Variants in FGFR2 observed in about 807,000 individuals in gnomAD.
The protein encoded by FGFR2 is fibroblast growth factor receptor 2.
In FGFR2, 19 loss-of-function variants were observed where a neutral mutation model predicts 95.9. The observed-to-expected ratio is 0.20, with a 90% CI of 0.14 to 0.29. The LOEUF (loss-of-function observed/expected upper bound fraction) is 0.29. Ranked by LOEUF, FGFR2 falls within the 10% of genes least tolerant of loss-of-function variation. The pLI, the probability that FGFR2 is intolerant of heterozygous loss-of-function variation, is 1.00. For missense variants in FGFR2, 707 were observed against 1,056.9 expected, an observed-to-expected ratio of 0.67 and a Z score of 4.59; for synonymous variants, 392 against 393.3, an observed-to-expected ratio of 1.00 and a Z score of 0.04.
chr10:121,591,519 A>G (rs1311715214), intron 2 of FGFR2, among the ~76,000 whole-genome samples: 5 of 152,224 alleles, frequency 3.3e-5, no homozygotes, highest in African/African-American at 1.2e-4. Context: ...TTCTGAGGAC[A>G]TTAATATTCA....
Position 121,565,033 on chromosome 10 carries a change from C to T in FGFR2, c.376+405G>A, listed in dbSNP as rs41302301. Among the ~76,000 whole-genome samples the T allele has an allele frequency of 1.7e-3, 262 of 152,164 alleles. 2 individuals carry two copies. The highest frequency in any genetic ancestry group is 5.7e-3 in the African/African-American group (236 of 41,506). On this transcript the variant is annotated intron_variant, in intron 3 of 17. Coordinates refer to ENST00000358487, the MANE Select transcript of FGFR2 (RefSeq NM_000141.5). ...CATTCTGAAAGCAGAACTTTAAACT[C>T]GGCCACAAAGGGGGCCTGTTCTGTC...
At chr10:121,495,489 C>T (rs933109484) in intron 13 of FGFR2, among the ~76,000 whole-genome samples, 4 of 152,066 alleles carry the variant, frequency 2.6e-5, no homozygotes, top group East Asian at 1.9e-4. Context: ...GATTATGCCA[C>T]GGCACTCCAG....
chr10:121,581,853 G>A (rs368969948), intron 2 of FGFR2, among the ~76,000 whole-genome samples: 3 of 150,600 alleles, frequency 2.0e-5, no homozygotes, highest in African/African-American at 7.3e-5. Context: ...ACATGCCTCC[G>A]GCCCATGCTT....
Position 121,528,482 on chromosome 10 carries a change from A to G in FGFR2, c.749-8313T>C, listed in dbSNP as rs547538951. On this transcript the variant is annotated intron_variant, in intron 6 of 17. Coordinates refer to ENST00000358487, the MANE Select transcript of FGFR2 (RefSeq NM_000141.5). ...GTAAAAATGCTGGCAGGTTTCATCA[A>G]CCTTCACCATCTAAAAAGCCTTTCT... Among the ~76,000 whole-genome samples the G allele has an allele frequency of 3.3e-5, 5 of 152,298 alleles. No individual in the cohort carries two copies. The South Asian group carries it at 1.0e-3, about 32-fold the overall frequency.
chr10:121,515,002 T>A, intron 9 of FGFR2, 115 bp downstream of exon 9: 2 of 978,036 alleles, frequency 2.0e-6, no homozygotes, highest in Admixed American at 1.9e-5. Flanking sequence ...CACACCAGAA[T>A]CACTCGCACA....
At chr10:121,580,237 G>T (rs1002345403) in intron 2 of FGFR2, among the ~76,000 whole-genome samples, 10 of 152,292 alleles carry the variant, frequency 6.6e-5, no homozygotes, top group African/African-American at 2.4e-4. Flanking sequence ...GACCTTCTGG[G>T]GGTACTGTTT....
Position 121,517,460 on chromosome 10 carries a change from C to T in FGFR2, c.943G>A (p.Ala315Thr), listed in dbSNP as rs121918504. 17 of 1,613,972 alleles carry T rather than the reference C, an allele frequency of 1.1e-5. No individual in the cohort carries two copies. The highest frequency in any genetic ancestry group is 1.6e-4 in the Middle Eastern group (1 of 6,084). ...TCTTTGTCCGTGGTGTTAACACCGGCGGCCTAGAAAACAAGGGAAGCAAAA... is the reference window on the plus strand; with the variant it reads ...TCTTTGTCCGTGGTGTTAACACCGGTGGCCTAGAAAACAAGGGAAGCAAAA... Reference protein sequence around the residue: ...GLPYLKVLKAAGVNTTDKEIE... With the variant: ...GLPYLKVLKATGVNTTDKEIE... Residue 315 changes from alanine to threonine, a missense_variant, in exon 8 of 18, where the codon GCC becomes ACC. By Grantham distance (58) the Ala-to-Thr change is moderately conservative (BLOSUM62 0). Around this residue, in one of 7 missense-constraint regions of FGFR2, gnomAD observed 139 missense variants for 278.1 expected, o/e 0.50. Transcript: ENST00000358487. The surrounding 1 kb of genome is among the most constrained non-coding windows in gnomAD (Gnocchi z 4.7).
chr10:121,513,048 T>C (rs917589901), intron 9 of FGFR2, among the ~76,000 whole-genome samples: 4 of 152,092 alleles, frequency 2.6e-5, no homozygotes, highest in African/African-American at 9.7e-5. Flanking sequence ...TTTTGTACTT[T>C]TAGTAGAGAC....
At chr10:121,574,728 TCAAA>T (rs1157026817) in intron 2 of FGFR2, among the ~76,000 whole-genome samples, 2 of 151,900 alleles carry the variant, frequency 1.3e-5, no homozygotes, top group African/African-American at 4.8e-5. Context: ...ATTCCTCACA[TCAAA>T]CAGAGACCTT....
intron 6 of FGFR2, among the ~76,000 whole-genome samples, chr10:121,528,347 ATTGTTTAATATG>A (rs1471206138): frequency 6.6e-6 from 1 of 152,186 alleles, no homozygotes; most frequent in Non-Finnish European, 1.5e-5. Context: ...CAACAATCAT[ATTGTTTAATATG>A]ATTAAACGAA....
chr10:121,585,631 G>C (rs1861705934), intron 2 of FGFR2, among the ~76,000 whole-genome samples: 1 of 152,106 alleles, frequency 6.6e-6, no homozygotes, highest in Non-Finnish European at 1.5e-5. Context: ...ACCTCCCAAG[G>C]TCAAGTTCCC....
In FGFR2 at chr10:121,517,615, G is replaced by GA; in HGVS notation, c.940-153dup. 1 of 836,562 alleles carries GA rather than the reference G, an allele frequency of 1.2e-6. No individual in the cohort carries two copies. 51.8% of individuals were successfully genotyped at this position (836,562 alleles called of 1,614,324 possible). A position where few individuals can be genotyped will look rare whatever the true frequency, so the allele number is the denominator to read the frequency against. On this transcript the variant is annotated intron_variant, in intron 7 of 17. Transcript: ENST00000358487. This position sits in a 1 kb window ranked among gnomAD's most constrained non-coding sequence, Gnocchi z 4.7. ...CAGCCCATCCACAAAGCCCACAACC[G>GA]AGAGACACGGAGCAACACTGACCAG...
At chr10:121,587,326 A>G (rs1861980647) in intron 2 of FGFR2, among the ~76,000 whole-genome samples, 1 of 152,316 alleles carries the variant, frequency 6.6e-6, no homozygotes, top group South Asian at 2.1e-4. Context: ...TAGGCAATAT[A>G]CCATCCTGGA....
At chr10:121,584,355 A>G (rs1450007399) in intron 2 of FGFR2, among the ~76,000 whole-genome samples, 448 of 100,452 alleles carry the variant, frequency 4.5e-3, no homozygotes, top group Middle Eastern at 0.041. Context: ...CACCCCAACC[A>G]ATCCCATAAC....
At chr10:121,594,065 GCAAA>G (rs1158338401) in intron 1 of FGFR2, 98 bp from the exon 2 acceptor site, 45 of 589,656 alleles carry the variant, frequency 7.6e-5, no homozygotes, top group Middle Eastern at 4.0e-4. Context: ...TCAAATGTGC[GCAAA>G]CAGAGTTCTT....
intron 13 of FGFR2, 143 bp from the exon 14 acceptor site, chr10:121,488,256 T>G: frequency 2.5e-6 from 3 of 1,185,026 alleles, no homozygotes; most frequent in Non-Finnish European, 3.6e-6. Context: ...AGAAATACAG[T>G]GTGGCCGGGT....
At chr10:121,593,329 C>T (rs912119653) in intron 2 of FGFR2, among the ~76,000 whole-genome samples, 2 of 152,110 alleles carry the variant, frequency 1.3e-5, no homozygotes, top group Admixed American at 6.5e-5. Flanking sequence ...TCATCTTGTC[C>T]GAAAATAGCA....
intron 4 of FGFR2, among the ~76,000 whole-genome samples, chr10:121,560,807 CCA>C (rs1005995500): frequency 6.6e-6 from 1 of 152,064 alleles, no homozygotes; most frequent in Non-Finnish European, 1.5e-5. Context: ...GGGCAGACCT[CCA>C]CGTGCAAATT....
chr10:121,500,692 A>G, intron 11 of FGFR2, 134 bp downstream of exon 11: 1 of 1,273,088 alleles, frequency 7.9e-7, no homozygotes, highest in Non-Finnish European at 1.1e-6. Flanking sequence ...TTTATACCGA[A>G]AACTTCTCAA....
Sources: allele counts gnomAD v4.1 joint callset (sites outside exome capture counted in the v4.1 genomes callset), GRCh38; gene constraint gnomAD v4.1.1; regional missense constraint gnomAD v4.1.1; non-coding constraint Gnocchi (gnomAD v3.1); transcripts MANE v1.5; gene names NCBI Gene and HGNC (gene_info 2026-07-23, HGNC 2026-07-21).